CHN1: variants seen among roughly 807,000 people sequenced by gnomAD.
The protein encoded by CHN1 is chimerin 1.
In CHN1, 37 loss-of-function variants were observed where a neutral mutation model predicts 59.5. The observed-to-expected ratio is 0.62, with a 90% CI of 0.48 to 0.82. The LOEUF (loss-of-function observed/expected upper bound fraction) is 0.82, where lower values mean the gene tolerates loss of function less well. Among genes scored for constraint, CHN1 ranks in the 40% least tolerant of loss-of-function variants. The pLI is 0.00. For missense variants in CHN1, 469 were observed against 571.0 expected (o/e 0.82, Z 1.82); for synonymous variants, 206 against 200.4 (o/e 1.03, Z -0.24).
At chr2:174,886,617 T>A (rs1558967580) in intron 5 of CHN1, among the ~76,000 whole-genome samples, 1 of 152,214 alleles carries the variant, frequency 6.6e-6, no homozygotes, top group Non-Finnish European at 1.5e-5. Context: ...ATGGGTTTTG[T>A]GATGGGTATT....
At chr2:175,001,634 C>T (rs545667309) in intron 1 of CHN1, among the ~76,000 whole-genome samples, 18 of 152,308 alleles carry the variant, frequency 1.2e-4, no homozygotes, top group African/African-American at 3.6e-4. Context: ...TGAGCAGCAA[C>T]GCCAGAGGTG....
chr2:174,954,181 AT>A (rs571028762), intron 1 of CHN1, among the ~76,000 whole-genome samples: 38 of 152,314 alleles, frequency 2.5e-4, no homozygotes, highest in South Asian at 1.2e-3. Context: ...AAACAAAAAC[AT>A]TAAGTGGGGA....
intron 5 of CHN1, among the ~76,000 whole-genome samples, chr2:174,907,322 T>C (rs1036746057): frequency 6.6e-6 from 1 of 152,180 alleles, no homozygotes; most frequent in Non-Finnish European, 1.5e-5. Flanking sequence ...TTATGTTTAA[T>C]GGCAGACAGA....
intron 7 of CHN1, among the ~76,000 whole-genome samples, chr2:174,837,849 T>C (rs1316398506): frequency 6.6e-6 from 1 of 152,244 alleles, no homozygotes; most frequent in African/African-American, 2.4e-5. Flanking sequence ...TTCCACTTCC[T>C]TTGGTGTATA....
chr2:174,930,481 G>A (rs1689309199), intron 3 of CHN1, among the ~76,000 whole-genome samples: 1 of 152,146 alleles, frequency 6.6e-6, no homozygotes, highest in African/African-American at 2.4e-5. Context: ...GTGGAGTCAT[G>A]CTGTCACTCA....
chr2:174,989,236 T>G (rs1336152556), intron 1 of CHN1, among the ~76,000 whole-genome samples: 3 of 151,340 alleles, frequency 2.0e-5, no homozygotes, highest in African/African-American at 7.3e-5. Context: ...ATTAGCCAGG[T>G]GTGGTGGCGG....
chr2:174,947,132 C>T (rs1378640958), intron 2 of CHN1, among the ~76,000 whole-genome samples: 2 of 151,868 alleles, frequency 1.3e-5, no homozygotes, highest in Admixed American at 6.6e-5. Flanking sequence ...AGTAAAATGT[C>T]GATTTTGACT....
intron 1 of CHN1, among the ~76,000 whole-genome samples, chr2:174,973,853 C>CT (rs1015815969): frequency 2.6e-5 from 4 of 152,126 alleles, no homozygotes; most frequent in African/African-American, 9.7e-5. Flanking sequence ...AACCTTTTAC[C>CT]TTTATTCCTG....
intron 6 of CHN1, among the ~76,000 whole-genome samples, chr2:174,862,654 T>C (rs1011338189): frequency 5.3e-5 from 8 of 152,270 alleles, no homozygotes; most frequent in Admixed American, 2.0e-4. Context: ...TAATGAACAA[T>C]AGCATATTAA....
At chr2:174,948,213 AACTT>A (rs10544495) in intron 2 of CHN1, among the ~76,000 whole-genome samples, 2,752 of 152,264 alleles carry the variant, frequency 0.018, 80 homozygotes, top group African/African-American at 0.062. Context: ...AAAATTAAGA[AACTT>A]AAGGACAACA....
At chr2:174,811,203 C>A in intron 10 of CHN1, 1 of 221,336 alleles carries the variant, frequency 4.5e-6, no homozygotes, top group South Asian at 8.5e-5. Flanking sequence ...GGTATAGATC[C>A]TACTCTTTTC....
intron 5 of CHN1, among the ~76,000 whole-genome samples, chr2:174,891,568 C>CAAAAAAAAAAAAAA (rs80048899): frequency 1.1e-5 from 1 of 93,668 alleles, no homozygotes. Context: ...GACTCCATCT[C>CAAAAAAAAAAAAAA]AAAAAAAAAA....
chr2:174,895,891 A>G (rs1275381171), intron 5 of CHN1, among the ~76,000 whole-genome samples: 2 of 152,170 alleles, frequency 1.3e-5, no homozygotes, highest in African/African-American at 4.8e-5. Flanking sequence ...CAGTGAGCAG[A>G]GGAGAGAAAT....
intron 1 of CHN1, among the ~76,000 whole-genome samples, chr2:174,983,550 C>T (rs962375756): frequency 1.1e-4 from 17 of 152,180 alleles, no homozygotes; most frequent in Non-Finnish European, 1.9e-4. Flanking sequence ...AGCTAGACGG[C>T]CGGGCACGGT....
chr2:174,875,760 T>C, intron 6 of CHN1: 1 of 950,814 alleles, frequency 1.1e-6, no homozygotes, highest in Non-Finnish European at 1.3e-6. Flanking sequence ...ATACCTTAAA[T>C]CAATTAAACA....
At chr2:174,947,062 G>A (rs1022932948) in intron 2 of CHN1, among the ~76,000 whole-genome samples, 1 of 152,062 alleles carries the variant, frequency 6.6e-6, no homozygotes, top group African/African-American at 2.4e-5. Flanking sequence ...TGCCATCTAT[G>A]AAAACCCAAT....
At chr2:174,861,454 C>T (rs1687065129) in intron 6 of CHN1, among the ~76,000 whole-genome samples, 1 of 152,166 alleles carries the variant, frequency 6.6e-6, no homozygotes, top group Non-Finnish European at 1.5e-5. Flanking sequence ...ATTCGTAAGC[C>T]TCTCTGAATT....
At chr2:174,834,064 C>T (rs979075246) in intron 7 of CHN1, among the ~76,000 whole-genome samples, 1 of 152,206 alleles carries the variant, frequency 6.6e-6, no homozygotes, top group Non-Finnish European at 1.5e-5. Context: ...CCTCAGCCTT[C>T]CAGAGTGCTG....
intron 1 of CHN1, among the ~76,000 whole-genome samples, chr2:174,983,478 A>C (rs959712780): frequency 1.3e-5 from 2 of 152,110 alleles, no homozygotes; most frequent in Non-Finnish European, 2.9e-5. Flanking sequence ...AAAAGAAATG[A>C]GCAAAATGTA....
Sources: gnomAD v4.1 joint callset for allele counts (sites outside exome capture counted in the v4.1 genomes callset) on GRCh38, gnomAD v4.1.1 for gene constraint, MANE v1.5 for transcripts, NCBI Gene and HGNC (gene_info 2026-07-23, HGNC 2026-07-21) for gene names.